The following NFAM1 variants were observed in gnomAD, a reference collection of about 807,000 sequenced individuals.
The protein encoded by NFAM1 is NFAT activating protein with ITAM motif 1, also known as NFAT activation molecule 1.
NFAM1 carries 17 observed loss-of-function variants against 29.0 expected under a neutral mutation model. The observed-to-expected ratio is 0.59, with a 90% CI of 0.40 to 0.88. The LOEUF is 0.88. Ranked by LOEUF, NFAM1 falls within the 40% of genes least tolerant of loss-of-function variation. NFAM1 has a pLI of 0.00. For synonymous variants in NFAM1, 175 were observed against 147.2 expected, an observed-to-expected ratio of 1.19 and a Z score of -1.36; for missense variants, 324 against 344.6, an observed-to-expected ratio of 0.94 and a Z score of 0.47.
intron 1 of NFAM1, among the ~76,000 whole-genome samples, chr22:42,424,948 G>A (rs769924601): frequency 4.3e-4 from 60 of 140,514 alleles, no homozygotes; most frequent in Non-Finnish European, 7.4e-4. Flanking sequence ...CTGAGATGGA[G>A]TCTTGCTCTG....
intron 5 of NFAM1, 104 bp from the exon 6 acceptor site, chr22:42,385,324 T>C: frequency 1.2e-6 from 1 of 839,594 alleles, no homozygotes; most frequent in East Asian, 2.5e-5. Context: ...AACAGATCAC[T>C]TCCTGTGTAG....
chr22:42,395,692 C>T (rs1265345920), intron 4 of NFAM1, among the ~76,000 whole-genome samples: 1 of 151,392 alleles, frequency 6.6e-6, no homozygotes. Flanking sequence ...ACCATCCTGG[C>T]TAACATGGTG....
In NFAM1 at chr22:42,432,245, C is replaced by T. The variant is rs753923440; in HGVS notation, c.113G>A (p.Arg38Gln). Residue 38 changes from arginine (R) to glutamine (Q), a missense_variant, in exon 1 of 6, where the codon CGA becomes CAA. Arg to Gln is a conservative substitution (Grantham distance 43). Coordinates refer to ENST00000329021, the MANE Select transcript of NFAM1 (RefSeq NM_145912.8). Reference sequence around the variant, plus strand: ...AGGAAGACAGACACTACCTGCCAGTCGCAGGGTCCCGGGCAGCAGCAGCAC... The same window carrying T: ...AGGAAGACAGACACTACCTGCCAGTTGCAGGGTCCCGGGCAGCAGCAGCAC... ...LGVLLLPGTL[R>Q]LAGGQSVTHT... 17 of 1,572,226 alleles carry T rather than the reference C, an allele frequency of 1.1e-5. No individual in the cohort carries two copies. The highest frequency in any genetic ancestry group is 4.7e-5 in the South Asian group (4 of 86,004).
At chr22:42,400,005 C>T (rs1249330267) in intron 3 of NFAM1, among the ~76,000 whole-genome samples, 1 of 152,188 alleles carries the variant, frequency 6.6e-6, no homozygotes, top group Non-Finnish European at 1.5e-5. Flanking sequence ...CCACAAACCG[C>T]AGGTGAATCT....
At chr22:42,399,546 G>A (rs960441302) in intron 3 of NFAM1, among the ~76,000 whole-genome samples, 2 of 152,090 alleles carry the variant, frequency 1.3e-5, no homozygotes, top group African/African-American at 2.4e-5. Context: ...CAGGCGTGGC[G>A]TGGCCGTGCT....
At chr22:42,413,962 G>A (rs896585734) in intron 1 of NFAM1, among the ~76,000 whole-genome samples, 2 of 152,100 alleles carry the variant, frequency 1.3e-5, no homozygotes, top group African/African-American at 4.8e-5. Context: ...GCTGAGGCAG[G>A]AAAATCGCTT....
At chr22:42,430,330 C>T (rs947811609) in intron 1 of NFAM1, among the ~76,000 whole-genome samples, 1 of 152,126 alleles carries the variant, frequency 6.6e-6, no homozygotes, top group Admixed American at 6.5e-5. Context: ...GAGGCTGAGG[C>T]GGGCAGATCA....
At chr22:42,429,393 A>G (rs1165340256) in intron 1 of NFAM1, among the ~76,000 whole-genome samples, 2 of 152,058 alleles carry the variant, frequency 1.3e-5, no homozygotes, top group Admixed American at 1.3e-4. Flanking sequence ...AGGTGGGGGG[A>G]TCACCTGAGG....
At chr22:42,413,315 A>G (rs990725393) in intron 1 of NFAM1, among the ~76,000 whole-genome samples, 1 of 152,128 alleles carries the variant, frequency 6.6e-6, no homozygotes, top group South Asian at 2.1e-4. Context: ...ATCTCTTCCC[A>G]GGTCTCTTCA....
intron 4 of NFAM1, among the ~76,000 whole-genome samples, chr22:42,395,583 G>A (rs575479466): frequency 2.7e-4 from 41 of 150,730 alleles, no homozygotes; most frequent in Non-Finnish European, 5.8e-4. Context: ...GACTGGGTTC[G>A]TAGAAAATCC....
At chr22:42,429,978 G>A (rs1930742672) in intron 1 of NFAM1, among the ~76,000 whole-genome samples, 1 of 152,140 alleles carries the variant, frequency 6.6e-6, no homozygotes, top group South Asian at 2.1e-4. Flanking sequence ...AGAGCGGGTT[G>A]GGGGTTGGGC....
chr22:42,398,929 G>A (rs1229885181), intron 3 of NFAM1, among the ~76,000 whole-genome samples: 2 of 152,194 alleles, frequency 1.3e-5, no homozygotes, highest in East Asian at 3.8e-4. Context: ...AAGAGATGGA[G>A]GATGAACCAG....
chr22:42,410,795 T>C (rs1930057264), intron 2 of NFAM1, among the ~76,000 whole-genome samples: 1 of 151,946 alleles, frequency 6.6e-6, no homozygotes, highest in East Asian at 1.9e-4. Flanking sequence ...CTGCAGAAGT[T>C]CCCCCACCAT....
rs915969154 is a variant in NFAM1 at position 42,393,957 on chromosome 22, T to A, written c.663+3901A>T. 2.0e-5 allele frequency among the ~76,000 whole-genome samples: 3 copies of A among 152,202 alleles called. No homozygotes were observed. In the South Asian group the frequency reaches 6.2e-4, roughly 31 times the overall value. On this transcript the variant is annotated intron_variant, in intron 4 of 5. Transcript: ENST00000329021. The stretch of plus-strand genomic sequence containing the variant: ...TGAAAATAACACGTACCATGCCTGG[T>A]TGAATGAGTATTCCATATATGTCAA...
chr22:42,397,931 T>A lies in NFAM1; in HGVS notation c.590A>T (p.Asp197Val), dbSNP rs748476165. 2.5e-6 allele frequency: 4 copies of A among 1,608,808 alleles called. No individual in the cohort carries two copies. The East Asian group carries it at 8.9e-5, about 36-fold the overall frequency. Reference protein sequence around the residue: ...NKKRMRGPGKDPTRKCPDPRS... With the variant: ...NKKRMRGPGKVPTRKCPDPRS... ...TGGATCTGGGCACTTCCTGGTGGGGTCCTTCCCTGGACCCCGCATCCGCTT... is the reference window on the plus strand; with the variant it reads ...TGGATCTGGGCACTTCCTGGTGGGGACCTTCCCTGGACCCCGCATCCGCTT... The change falls in exon 4 of 6, where the codon GAC becomes GTC. Residue 197 changes from aspartate to valine, a missense_variant. Coordinates refer to ENST00000329021, the MANE Select transcript of NFAM1 (RefSeq NM_145912.8).
chr22:42,401,687 T>G (rs987726669), intron 3 of NFAM1, among the ~76,000 whole-genome samples: 1 of 152,160 alleles, frequency 6.6e-6, no homozygotes, highest in African/African-American at 2.4e-5. Context: ...GATTTTCAGA[T>G]GAATCACGAG....
At chr22:42,406,400 AT>A (rs954826210) in intron 3 of NFAM1, among the ~76,000 whole-genome samples, 1 of 152,114 alleles carries the variant, frequency 6.6e-6, no homozygotes, top group African/African-American at 2.4e-5. Context: ...CTTGTATCAC[AT>A]AGAGTAAGGG....
chr22:42,404,132 G>T (rs979231917), intron 3 of NFAM1, among the ~76,000 whole-genome samples: 1 of 152,100 alleles, frequency 6.6e-6, no homozygotes, highest in Admixed American at 6.5e-5. Context: ...TCTTCCCGGG[G>T]GTGTGAGCTC....
intron 1 of NFAM1, among the ~76,000 whole-genome samples, chr22:42,427,772 T>C (rs1930669672): frequency 6.6e-6 from 1 of 152,184 alleles, no homozygotes; most frequent in Non-Finnish European, 1.5e-5. Flanking sequence ...TTACACAAAG[T>C]TCACAAACAG....
Sources: allele counts gnomAD v4.1 joint callset (sites outside exome capture counted in the v4.1 genomes callset), GRCh38; gene constraint gnomAD v4.1.1; transcripts MANE v1.5; gene names NCBI Gene and HGNC (gene_info 2026-07-23, HGNC 2026-07-21).